The following MRPS25 variants were observed in gnomAD, a reference collection of about 807,000 sequenced individuals.
MRPS25 encodes mitochondrial ribosomal protein S25.
Under a neutral mutation model 17.3 loss-of-function variants are expected in MRPS25, and 15 were observed. The ratio of observed to expected loss-of-function variants is 0.87; its 90% CI spans 0.58 to 1.34. MRPS25 has a LOEUF of 1.34. Among genes scored for constraint, MRPS25 ranks in the 40% most tolerant of loss-of-function variants. The pLI, the probability that MRPS25 is intolerant of heterozygous loss-of-function variation, is 0.00. For synonymous variants in MRPS25, 94 were observed against 83.3 expected (o/e 1.13, Z -0.70); for missense variants, 225 against 218.6 (o/e 1.03, Z -0.19).
rs562048169 is a variant in MRPS25, at chr3:15,052,222, G to A, written c.*219C>T. On this transcript the variant is annotated 3_prime_UTR_variant, in exon 4 of 4. Coordinates refer to ENST00000253686, the MANE Select transcript of MRPS25 (RefSeq NM_022497.5). ...ACACGCCAAGCTGCTATTAGGAAGCGTTTTATTGACCAGCAGAGCAGGGAT... is the reference window on the plus strand; with the variant it reads ...ACACGCCAAGCTGCTATTAGGAAGCATTTTATTGACCAGCAGAGCAGGGAT... 4.7e-6 allele frequency: 6 copies of A among 1,285,220 alleles called. No individual in the cohort carries two copies. The highest frequency in any genetic ancestry group is 5.7e-5 in the South Asian group (2 of 35,038). 79.6% of individuals were successfully genotyped at this position (1,285,220 alleles called of 1,614,324 possible). A position where few individuals can be genotyped will look rare whatever the true frequency, so the allele number is the denominator to read the frequency against.
intron 1 of MRPS25, among the ~76,000 whole-genome samples, chr3:15,061,114 C>T (rs2042747672): frequency 6.7e-6 from 1 of 148,504 alleles, no homozygotes; most frequent in African/African-American, 2.4e-5. Context: ...ATACTTTAAA[C>T]TACTAGGACA....
At chr3:15,060,221 A>C (rs955689593) in intron 1 of MRPS25, among the ~76,000 whole-genome samples, 2 of 152,150 alleles carry the variant, frequency 1.3e-5, no homozygotes, top group African/African-American at 4.8e-5. Context: ...AAAATCAACA[A>C]GTAGCTCTCA....
rs2042628404 is a variant in MRPS25 at position 15,053,239 on chromosome 3, C to A, written c.329+141G>T. On this transcript the variant is annotated intron_variant, in intron 3 of 3. Transcript: ENST00000253686. ...AGAGCAACATCAGAAAGAACTGATTCTACAGCCCCAGCTCTTATTAGTGTC... is the reference window on the plus strand; with the variant it reads ...AGAGCAACATCAGAAAGAACTGATTATACAGCCCCAGCTCTTATTAGTGTC... 4 of 1,484,452 alleles carry A rather than the reference C, an allele frequency of 2.7e-6. No individual in the cohort carries two copies. The East Asian group carries it at 9.9e-5, about 37-fold the overall frequency. The allele number at this position is 1,484,452 out of a possible 1,614,324, so 92.0% of individuals were successfully genotyped here. A position where few individuals can be genotyped will look rare whatever the true frequency, so the allele number is the denominator to read the frequency against.
chr3:15,065,280 C>CT lies in MRPS25; in HGVS notation c.-87_-86insA. 1 of 1,445,056 alleles carries CT rather than the reference C, an allele frequency of 6.9e-7. No homozygotes were observed. The allele number at this position is 1,445,056 out of a possible 1,614,324, so 89.5% of individuals were successfully genotyped here. A position where few individuals can be genotyped will look rare whatever the true frequency, so the allele number is the denominator to read the frequency against. On this transcript the variant is annotated 5_prime_UTR_variant, in exon 1 of 4. Coordinates refer to ENST00000253686, the MANE Select transcript of MRPS25 (RefSeq NM_022497.5). ...CTAGCTAGCACCCGCGCGGATCTCA[C>CT]GCGGCTTCTCCCCAGAGCCAGGTTC...
downstream of MRPS25, chr3:15,042,525 A>T (rs2042305084): frequency 7.9e-6 from 2 of 252,754 alleles, no homozygotes; most frequent in African/African-American, 4.4e-5. Context: ...TCATCATATG[A>T]AGACTCCTAC....
At chr3:15,046,865 T>C (rs2042471791), downstream of MRPS25, 1 of 152,604 alleles carries the variant, frequency 6.6e-6, no homozygotes, top group South Asian at 2.1e-4. Context: ...TCTTTGAAAA[T>C]GTCTTAACTT....
chr3:15,053,463 A>G lies in MRPS25; in HGVS notation c.246T>C (p.Ser82=). The change falls in exon 3 of 4, where the codon TCT becomes TCC. Residue 82 remains serine (S), a synonymous_variant. Transcript: ENST00000253686. ...PSPFLRFYLD[S]GEQVLVDVET... ...CCACATCCACCAGGACCTGCTCCCCAGAATCTGGAAACGGAAAGCACGGGG... is the reference window on the plus strand; with the variant it reads ...CCACATCCACCAGGACCTGCTCCCCGGAATCTGGAAACGGAAAGCACGGGG... 1 of 1,614,234 alleles carries G rather than the reference A, an allele frequency of 6.2e-7. No individual in the cohort carries two copies. The highest frequency in any genetic ancestry group is 8.5e-7 in the Non-Finnish European group (1 of 1,180,046).
chr3:15,048,401 ATAAT>A (rs1387267401), downstream of MRPS25: 1 of 152,662 alleles, frequency 6.6e-6, no homozygotes, highest in Non-Finnish European at 1.5e-5. Context: ...CAGTCTACAA[ATAAT>A]TAAAGTGTGA....
Position 15,065,058 on chromosome 3 carries a change from G to A in MRPS25, c.134+3C>T. 6.3e-7 allele frequency: 1 copy of A among 1,579,176 alleles called. No homozygotes were observed. Among genetic ancestry groups the A allele is most frequent in the Non-Finnish European group, 8.6e-7 (1 of 1,166,420 alleles). On this transcript the variant is annotated splice_donor_region_variant and intron_variant, in intron 1 of 3. Coordinates refer to ENST00000253686, the MANE Select transcript of MRPS25 (RefSeq NM_022497.5). ...TCGCCAGGCGGCCGGGGCTGCGACTGACCTGGCGCCCTCGCCCAGCTCCCC... is the reference window on the plus strand; with the variant it reads ...TCGCCAGGCGGCCGGGGCTGCGACTAACCTGGCGCCCTCGCCCAGCTCCCC...
intron 2 of MRPS25, among the ~76,000 whole-genome samples, chr3:15,059,019 A>ATTT (rs55962904): frequency 1.3e-4 from 18 of 139,940 alleles, no homozygotes; most frequent in Middle Eastern, 3.9e-3. Context: ...GCCCTGAAGA[A>ATTT]TTTTTTTTTT....
At chr3:15,042,700 A>G (rs1197694280), downstream of MRPS25, 4 of 720,076 alleles carry the variant, frequency 5.6e-6, no homozygotes, top group Non-Finnish European at 6.9e-6. Flanking sequence ...TGAAATCAGA[A>G]AAGAGAGGTG....
chr3:15,059,241 G>A, intron 2 of MRPS25, 128 bp downstream of exon 2: 1 of 682,144 alleles, frequency 1.5e-6, no homozygotes, highest in Non-Finnish European at 2.6e-6. Flanking sequence ...GAAGCCAAAG[G>A]TGCCAGGAGT....
chr3:15,045,562 T>C (rs1199138035), downstream of MRPS25: 4 of 152,650 alleles, frequency 2.6e-5, no homozygotes, highest in African/African-American at 9.6e-5. Flanking sequence ...TGAAGTGGCC[T>C]TTTCTTTAAG....
At chr3:15,043,945 T>G (rs2042360647), downstream of MRPS25, 2 of 152,318 alleles carry the variant, frequency 1.3e-5, no homozygotes, top group Admixed American at 6.5e-5. Flanking sequence ...GACCAAAAAG[T>G]GCAAGGTGGG....
downstream of MRPS25, chr3:15,044,785 G>A (rs1399569359): frequency 1.3e-5 from 2 of 152,276 alleles, no homozygotes; most frequent in African/African-American, 4.8e-5. Context: ...TGCCACATTG[G>A]ACAGAATGGA....
intron 2 of MRPS25, among the ~76,000 whole-genome samples, chr3:15,053,982 C>T (rs28481509): frequency 0.062 from 9,444 of 152,128 alleles, 1,011 homozygotes; most frequent in African/African-American, 0.21. Context: ...TATGGCCGGG[C>T]GCGGTGGCTC....
At chr3:15,064,410 C>A (rs2042826663) in intron 1 of MRPS25, among the ~76,000 whole-genome samples, 1 of 152,172 alleles carries the variant, frequency 6.6e-6, no homozygotes, top group Non-Finnish European at 1.5e-5. Context: ...GTAGGGTCTG[C>A]CGCTGCACAG....
chr3:15,056,964 C>T (rs2042680706), intron 2 of MRPS25, among the ~76,000 whole-genome samples: 1 of 152,254 alleles, frequency 6.6e-6, no homozygotes, highest in African/African-American at 2.4e-5. Context: ...GGCAGTTGCA[C>T]TCAGGTATAC....
At chr3:15,059,271 C>G in intron 2 of MRPS25, 98 bp downstream of exon 2, 1 of 831,918 alleles carries the variant, frequency 1.2e-6, no homozygotes, top group Non-Finnish European at 2.0e-6. Flanking sequence ...ACCATGACAG[C>G]GCACACTGCA....
Sources: gnomAD v4.1 joint callset for allele counts (sites outside exome capture counted in the v4.1 genomes callset) on GRCh38, gnomAD v4.1.1 for gene constraint, MANE v1.5 for transcripts, NCBI Gene and HGNC (gene_info 2026-07-23, HGNC 2026-07-21) for gene names.